The following UBE3D variants were observed in gnomAD, a reference collection of about 807,000 sequenced individuals.
The protein encoded by UBE3D is ubiquitin protein ligase E3D.
In UBE3D, 48 loss-of-function variants were observed where a neutral mutation model predicts 49.6. The ratio of observed to expected loss-of-function variants is 0.97; its 90% confidence interval spans 0.77 to 1.23. The LOEUF is 1.23. UBE3D is among the 50% of genes most tolerant of loss of function. The pLI is 0.00. For missense variants in UBE3D, 452 were observed against 468.4 expected (o/e 0.96, Z 0.32); for synonymous variants, 189 against 174.2 (o/e 1.08, Z -0.67).
intron 8 of UBE3D, among the ~76,000 whole-genome samples, chr6:82,988,461 T>G (rs1246078623): frequency 6.6e-6 from 1 of 151,232 alleles, no homozygotes; most frequent in Non-Finnish European, 1.5e-5. Flanking sequence ...GTACAAGACA[T>G]GAGAAAAAAA....
chr6:82,939,987 C>T (rs560631813), intron 9 of UBE3D, among the ~76,000 whole-genome samples: 1 of 152,348 alleles, frequency 6.6e-6, no homozygotes, highest in Non-Finnish European at 1.5e-5. Context: ...AACTGTCCAG[C>T]TTTGCCCACA....
intron 8 of UBE3D, among the ~76,000 whole-genome samples, chr6:83,009,122 G>C (rs1371385206): frequency 1.3e-5 from 2 of 152,024 alleles, no homozygotes; most frequent in African/African-American, 4.8e-5. Flanking sequence ...AGAAAGGAAA[G>C]GTAAAGATTC....
intron 5 of UBE3D, among the ~76,000 whole-genome samples, chr6:83,031,240 G>A (rs754419428): frequency 2.6e-5 from 4 of 152,104 alleles, no homozygotes; most frequent in Admixed American, 6.5e-5. Flanking sequence ...AACTCCTGAC[G>A]TCAAGTGATC....
intron 3 of UBE3D, among the ~76,000 whole-genome samples, chr6:83,047,206 T>C (rs1441731646): frequency 6.6e-6 from 1 of 152,224 alleles, no homozygotes; most frequent in Admixed American, 6.5e-5. Context: ...CCTAGCTCTG[T>C]TACCCTGGAA....
intron 8 of UBE3D, among the ~76,000 whole-genome samples, chr6:82,974,961 A>G (rs1162892481): frequency 6.6e-6 from 1 of 152,152 alleles, no homozygotes; most frequent in Non-Finnish European, 1.5e-5. Context: ...ATGTTTCTTG[A>G]TGATCTGAAT....
intron 9 of UBE3D, among the ~76,000 whole-genome samples, chr6:82,909,656 T>C (rs12210147): frequency 0.085 from 12,956 of 152,266 alleles, 645 homozygotes; most frequent in Non-Finnish European, 0.12. Context: ...ATTAGAACTC[T>C]TAGGTTGGAA....
intron 9 of UBE3D, among the ~76,000 whole-genome samples, chr6:82,912,507 T>C (rs1772603338): frequency 6.6e-6 from 1 of 152,106 alleles, no homozygotes. Flanking sequence ...GTAAAATTAG[T>C]CTTTTTTCCA....
At chr6:82,973,678 C>T (rs563896404) in intron 8 of UBE3D, among the ~76,000 whole-genome samples, 1 of 152,016 alleles carries the variant, frequency 6.6e-6, no homozygotes, top group African/African-American at 2.4e-5. Context: ...TATTTGGTTC[C>T]AAGGTATAAA....
chr6:82,984,845 C>T (rs1203943279), intron 8 of UBE3D, among the ~76,000 whole-genome samples: 1 of 151,968 alleles, frequency 6.6e-6, no homozygotes, highest in Non-Finnish European at 1.5e-5. Context: ...CAGGGTTTCA[C>T]TCTGTTGCCC....
At position 82,965,583 on chromosome 6, in the gene UBE3D, C is replaced by CA. The variant is rs35257086; in HGVS notation, c.1011-8134dup. 4.4e-3 allele frequency among the ~76,000 whole-genome samples: 381 copies of CA among 86,236 alleles called. 3 individuals carry two copies. The highest frequency in any genetic ancestry group is 0.011 in the African/African-American group (256 of 22,550). 56.6% of individuals were successfully genotyped at this position (86,236 alleles called of 152,430 possible). A position where few individuals can be genotyped will look rare whatever the true frequency, so the allele number is the denominator to read the frequency against. On this transcript the variant is annotated intron_variant, in intron 8 of 9. Transcript: ENST00000369747. ...GGACAACAAGAGCGAAACTCCATCT[C>CA]AAAAAAAAAAAAAAAAAAAAGAAGA...
At chr6:82,990,253 G>A (rs1198043414) in intron 8 of UBE3D, among the ~76,000 whole-genome samples, 1 of 152,056 alleles carries the variant, frequency 6.6e-6, no homozygotes, top group Non-Finnish European at 1.5e-5. Flanking sequence ...TAAACTGAAA[G>A]CTGAGTCATG....
intron 8 of UBE3D, chr6:83,017,924 G>GTTTCC (rs1780806932): frequency 6.6e-6 from 1 of 151,970 alleles, no homozygotes; most frequent in Non-Finnish European, 1.5e-5. Context: ...ACTCACAATG[G>GTTTCC]AAAGAATCTC....
At chr6:82,928,732 A>G (rs948206170) in intron 9 of UBE3D, among the ~76,000 whole-genome samples, 1 of 152,176 alleles carries the variant, frequency 6.6e-6, no homozygotes, top group Admixed American at 6.5e-5. Flanking sequence ...GTATAAGGCA[A>G]TTTCCATTCT....
chr6:82,921,282 C>G (rs1048836389), intron 9 of UBE3D, among the ~76,000 whole-genome samples: 5 of 152,162 alleles, frequency 3.3e-5, no homozygotes, highest in African/African-American at 1.2e-4. Context: ...AAACACATAG[C>G]TGAGCTATCA....
intron 4 of UBE3D, among the ~76,000 whole-genome samples, chr6:83,044,207 G>A (rs1782865767): frequency 6.6e-6 from 1 of 152,138 alleles, no homozygotes; most frequent in South Asian, 2.1e-4. Context: ...AGCCTGCAGA[G>A]GTCTTCCTCT....
At chr6:82,951,081 A>G (rs1465217505) in intron 9 of UBE3D, among the ~76,000 whole-genome samples, 2 of 152,178 alleles carry the variant, frequency 1.3e-5, no homozygotes, top group African/African-American at 4.8e-5. Context: ...TTAATTGTAC[A>G]TTTAAAAATA....
intron 8 of UBE3D, among the ~76,000 whole-genome samples, chr6:83,010,237 T>A (rs923252406): frequency 1.4e-4 from 22 of 152,244 alleles, no homozygotes; most frequent in East Asian, 1.9e-4. Context: ...AAAAAGTTAT[T>A]TTTTGCTTCC....
Position 82,985,067 on chromosome 6 carries a change from G to T in UBE3D, c.1011-27617C>A, listed in dbSNP as rs552363724. Among the ~76,000 whole-genome samples the T allele has an allele frequency of 1.1e-4, 14 of 122,042 alleles. No individual in the cohort carries two copies. The East Asian group carries it at 3.7e-3, about 32-fold the overall frequency. The allele number at this position is 122,042 out of a possible 152,430, so 80.1% of individuals were successfully genotyped here. The stretch of plus-strand genomic sequence containing the variant: ...GAGTTTTGCTGTGTTGCCCAGGCTG[G>T]TCTCAAACTCTTGGCCTCAAGTGAT... On this transcript the variant is annotated intron_variant, in intron 8 of 9. Transcript: ENST00000369747.
At chr6:83,004,605 G>A (rs1167912157) in intron 8 of UBE3D, among the ~76,000 whole-genome samples, 1 of 152,086 alleles carries the variant, frequency 6.6e-6, no homozygotes, top group Non-Finnish European at 1.5e-5. Context: ...TAATAATTTT[G>A]TTTAATAATA....
Sources: allele counts gnomAD v4.1 joint callset (sites outside exome capture counted in the v4.1 genomes callset), GRCh38; gene constraint gnomAD v4.1.1; transcripts MANE v1.5; gene names NCBI Gene and HGNC (gene_info 2026-07-23, HGNC 2026-07-21).